Variants in PLD5 observed in about 807,000 individuals in gnomAD.
PLD5 encodes inactive phospholipase D5.
In PLD5, 36 loss-of-function variants were observed where a neutral mutation model predicts 61.1. The observed-to-expected ratio is 0.59, with a 90% CI of 0.45 to 0.78. The LOEUF (loss-of-function observed/expected upper bound fraction) is 0.78, where lower values mean the gene tolerates loss of function less well. Among genes scored for constraint, PLD5 ranks in the 30% least tolerant of loss-of-function variants. The pLI, the probability that PLD5 is intolerant of heterozygous loss-of-function variation, is 0.00. For synonymous variants in PLD5, 243 were observed against 242.8 expected (o/e 1.00, Z -0.01); for missense variants, 515 against 644.4 (o/e 0.80, Z 2.17).
chr1:242,106,713 G>A (rs1661083405), intron 8 of PLD5, among the ~76,000 whole-genome samples: 1 of 152,186 alleles, frequency 6.6e-6, no homozygotes, highest in Non-Finnish European at 1.5e-5. Flanking sequence ...GTTAATTGCG[G>A]AGCCCTTGAT....
At chr1:242,408,659 G>A (rs1313394102) in intron 1 of PLD5, among the ~76,000 whole-genome samples, 1 of 152,186 alleles carries the variant, frequency 6.6e-6, no homozygotes, top group African/African-American at 2.4e-5. Flanking sequence ...TCATGCATCA[G>A]GTACAGCCTG....
intron 1 of PLD5, among the ~76,000 whole-genome samples, chr1:242,508,877 T>C (rs1386727201): frequency 6.6e-6 from 1 of 152,116 alleles, no homozygotes; most frequent in Non-Finnish European, 1.5e-5. Flanking sequence ...GATCAGGAGC[T>C]CAAAGTCAGC....
intron 1 of PLD5, among the ~76,000 whole-genome samples, chr1:242,438,696 G>A (rs1259464388): frequency 6.6e-6 from 1 of 152,030 alleles, no homozygotes; most frequent in Non-Finnish European, 1.5e-5. Context: ...CCAAAGTGTT[G>A]GGATTACAGG....
chr1:242,263,795 G>C (rs1185667571), intron 4 of PLD5, among the ~76,000 whole-genome samples: 1 of 152,216 alleles, frequency 6.6e-6, no homozygotes, highest in Admixed American at 6.5e-5. Context: ...CAATAGAAAT[G>C]TAAACCAGGC....
chr1:242,390,746 A>G (rs1458412295), intron 1 of PLD5, among the ~76,000 whole-genome samples: 3 of 152,300 alleles, frequency 2.0e-5, no homozygotes, highest in Non-Finnish European at 4.4e-5. Flanking sequence ...CACTGAAACT[A>G]TGCTTGACTT....
chr1:242,453,681 A>C (rs1666858210), intron 1 of PLD5, among the ~76,000 whole-genome samples: 1 of 152,118 alleles, frequency 6.6e-6, no homozygotes, highest in African/African-American at 2.4e-5. Flanking sequence ...CCCTACTATC[A>C]CAATGTAGGG....
chr1:242,341,236 G>A (rs1659814506), intron 2 of PLD5, among the ~76,000 whole-genome samples: 1 of 150,762 alleles, frequency 6.6e-6, no homozygotes, highest in Non-Finnish European at 1.5e-5. Context: ...GTCCACTGGA[G>A]CAAGCTGAGT....
chr1:242,481,884 C>G (rs1667790497), intron 1 of PLD5, among the ~76,000 whole-genome samples: 1 of 152,188 alleles, frequency 6.6e-6, no homozygotes, highest in Non-Finnish European at 1.5e-5. Context: ...GATCAGGCAG[C>G]AACATTTGCT....
intron 5 of PLD5, among the ~76,000 whole-genome samples, chr1:242,203,945 CA>C (rs1392805451): frequency 6.6e-6 from 1 of 152,058 alleles, no homozygotes; most frequent in African/African-American, 2.4e-5. Flanking sequence ...TTCTAAAATA[CA>C]AAGTCTTAGG....
At chr1:242,283,473 C>T (rs966721442) in intron 3 of PLD5, among the ~76,000 whole-genome samples, 2 of 152,140 alleles carry the variant, frequency 1.3e-5, no homozygotes, top group African/African-American at 4.8e-5. Context: ...TCTAAGGTTC[C>T]ATTTAGGACT....
chr1:242,415,695 A>G (rs902184969), intron 1 of PLD5, among the ~76,000 whole-genome samples: 4 of 151,894 alleles, frequency 2.6e-5, no homozygotes, highest in African/African-American at 9.7e-5. Context: ...TTGTATTTTT[A>G]GTAGAGACGG....
chr1:242,306,882 A>C (rs113199601), intron 2 of PLD5, among the ~76,000 whole-genome samples: 6 of 44,016 alleles, frequency 1.4e-4, no homozygotes, highest in Non-Finnish European at 2.2e-4. Context: ...AACACATATG[A>C]TATCACATAT....
At chr1:242,281,699 C>A (rs1028233037) in intron 3 of PLD5, among the ~76,000 whole-genome samples, 2 of 152,052 alleles carry the variant, frequency 1.3e-5, no homozygotes, top group Non-Finnish European at 2.9e-5. Context: ...TTGTAGAATT[C>A]TTGAGAATGG....
intron 3 of PLD5, among the ~76,000 whole-genome samples, chr1:242,271,394 G>T (rs1340392949): frequency 6.6e-6 from 1 of 151,918 alleles, no homozygotes; most frequent in Non-Finnish European, 1.5e-5. Context: ...AATCTACAAG[G>T]TGAAAAGGTA....
At chr1:242,480,259 G>A (rs1325083722) in intron 1 of PLD5, among the ~76,000 whole-genome samples, 2 of 152,156 alleles carry the variant, frequency 1.3e-5, no homozygotes, top group Non-Finnish European at 1.5e-5. Flanking sequence ...TCCAATTGGT[G>A]TAGGGGTAGC....
intron 5 of PLD5, among the ~76,000 whole-genome samples, chr1:242,141,542 C>T (rs1362050762): frequency 2.0e-5 from 3 of 152,202 alleles, no homozygotes; most frequent in East Asian, 3.9e-4. Context: ...TCCTCCTCTT[C>T]CTCAGGCAGT....
chr1:242,157,407 G>A (rs1471502392), intron 5 of PLD5, among the ~76,000 whole-genome samples: 1 of 152,192 alleles, frequency 6.6e-6, no homozygotes, highest in Non-Finnish European at 1.5e-5. Flanking sequence ...CTGTTTAGGA[G>A]TTGTGTTCCT....
At chr1:242,364,707 C>T (rs566158274) in intron 1 of PLD5, among the ~76,000 whole-genome samples, 2 of 152,024 alleles carry the variant, frequency 1.3e-5, no homozygotes, top group South Asian at 4.2e-4. Context: ...TAGAGCAAGA[C>T]TCTGTCTCAA....
intron 1 of PLD5, among the ~76,000 whole-genome samples, chr1:242,490,099 C>T (rs1315248879): frequency 6.6e-6 from 1 of 152,232 alleles, no homozygotes; most frequent in Non-Finnish European, 1.5e-5. Flanking sequence ...CCTCTCCACA[C>T]AGGAACTGTG....
Sources: gnomAD v4.1 joint callset for allele counts (sites outside exome capture counted in the v4.1 genomes callset) on GRCh38, gnomAD v4.1.1 for gene constraint, MANE v1.5 for transcripts, NCBI Gene and HGNC (gene_info 2026-07-23, HGNC 2026-07-21) for gene names.